The following LGR4 variants were observed in gnomAD, a reference collection of about 807,000 sequenced individuals.
LGR4 encodes leucine rich repeat containing G protein-coupled receptor 4.
A neutral mutation model predicts 84.8 loss-of-function variants in LGR4; 44 were observed. The observed-to-expected ratio is 0.52, with a 90% confidence interval of 0.41 to 0.67. The LOEUF is 0.67. Ranked by LOEUF, LGR4 falls within the 30% of genes least tolerant of loss-of-function variation. The pLI is 0.00. For missense variants in LGR4, 1,032 were observed against 1,131.4 expected, an observed-to-expected ratio of 0.91 and a Z score of 1.26; for synonymous variants, 429 against 434.3, an observed-to-expected ratio of 0.99 and a Z score of 0.15.
chr11:27,453,372 G>C (rs1301892093), intron 1 of LGR4, among the ~76,000 whole-genome samples: 1 of 152,110 alleles, frequency 6.6e-6, no homozygotes, highest in Non-Finnish European at 1.5e-5. Flanking sequence ...CGGCCAAGAG[G>C]AACTTTTTAA....
chr11:27,461,456 T>C (rs890898617), intron 1 of LGR4, among the ~76,000 whole-genome samples: 40 of 152,232 alleles, frequency 2.6e-4, no homozygotes, highest in African/African-American at 7.9e-4. Flanking sequence ...AGAACCAAAG[T>C]GATGTGAAAA....
Position 27,373,589 on chromosome 11 carries a change from C to G in LGR4, c.1341G>C (p.Leu447=), listed in dbSNP as rs751383679. The part of the protein sequence containing the change: ...NQLKLVGNFK[L]KEALAAKDFV... The stretch of plus-strand genomic sequence containing the variant: ...AGTCTTTTGCTGCTAAGGCTTCTTT[C>G]AGCTTGAAGTTGCCCACAAGTTTCA... Residue 447 remains leucine, a synonymous_variant, in exon 15 of 18, where the codon CTG becomes CTC. Coordinates refer to ENST00000379214, the MANE Select transcript of LGR4 (RefSeq NM_018490.5). 1.9e-6 allele frequency: 3 copies of G among 1,597,350 alleles called. No homozygotes were observed. Among genetic ancestry groups the G allele is most frequent in the East Asian group, 4.5e-5 (2 of 44,500 alleles).
intron 14 of LGR4, 92 bp from the exon 15 acceptor site, chr11:27,373,768 C>T: frequency 7.8e-7 from 1 of 1,279,434 alleles, no homozygotes; most frequent in South Asian, 1.5e-5. Context: ...TATTAGATCC[C>T]TAAGATGAAG....
At chr11:27,448,453 T>C (rs1241581606) in intron 1 of LGR4, among the ~76,000 whole-genome samples, 2 of 152,020 alleles carry the variant, frequency 1.3e-5, no homozygotes, top group East Asian at 3.9e-4. Context: ...CTTCCATGCC[T>C]GGCTAATTTT....
intron 4 of LGR4, 134 bp from the exon 5 acceptor site, chr11:27,385,602 C>G: frequency 1.7e-6 from 1 of 586,272 alleles, no homozygotes; most frequent in Non-Finnish European, 2.9e-6. Context: ...TAGAAGTCCT[C>G]ATAACATCTA....
intron 1 of LGR4, 63 bp from the exon 2 acceptor site, chr11:27,412,923 CA>C: frequency 9.5e-7 from 1 of 1,051,854 alleles, no homozygotes; most frequent in Non-Finnish European, 1.5e-6. Flanking sequence ...GTATTTAATC[CA>C]ACAGAAAACT....
At chr11:27,397,777 T>G (rs1863417387) in intron 2 of LGR4, among the ~76,000 whole-genome samples, 1 of 152,200 alleles carries the variant, frequency 6.6e-6, no homozygotes, top group Non-Finnish European at 1.5e-5. Context: ...CACGCTGTGT[T>G]GTGCACATGA....
At chr11:27,429,519 T>A (rs377167436) in intron 1 of LGR4, among the ~76,000 whole-genome samples, 4 of 134,360 alleles carry the variant, frequency 3.0e-5, no homozygotes, top group African/African-American at 1.1e-4. Context: ...GAAGGGGAGG[T>A]GGGGAGGTGG....
chr11:27,385,275 T>C lies in LGR4; in HGVS notation c.595A>G (p.Asn199Asp). 1 of 1,582,660 alleles carries C rather than the reference T, an allele frequency of 6.3e-7. No individual in the cohort carries two copies. The highest frequency in any genetic ancestry group is 8.6e-7 in the Non-Finnish European group (1 of 1,162,084). The change falls in exon 5 of 18, where the codon AAC becomes GAC. Residue 199 changes from asparagine (N) to aspartate (D), a missense_variant. By Grantham distance (23) the Asn-to-Asp change is conservative. Transcript: ENST00000379214. ...ISSIPDFAFT[N>D]LSSLVVLHLH... Reference sequence around the variant, plus strand: ...TACAGAACTACCAGGCTTGAAAGGTTGGTAAATGCAAAGTCAGGGATGCTT... The same window carrying C: ...TACAGAACTACCAGGCTTGAAAGGTCGGTAAATGCAAAGTCAGGGATGCTT...
chr11:27,392,025 T>C (rs566554280), intron 3 of LGR4, among the ~76,000 whole-genome samples: 158 of 152,310 alleles, frequency 1.0e-3, no homozygotes, highest in African/African-American at 3.6e-3. Flanking sequence ...ATACAAATTG[T>C]AGGCATCTGA....
At chr11:27,383,340 A>C (rs184217832) in intron 6 of LGR4, among the ~76,000 whole-genome samples, 4 of 152,304 alleles carry the variant, frequency 2.6e-5, no homozygotes, top group African/African-American at 7.2e-5. Context: ...GGCAAATAAA[A>C]ATTTAACTGG....
At chr11:27,372,646 A>G (rs913160270) in intron 15 of LGR4, among the ~76,000 whole-genome samples, 2 of 152,164 alleles carry the variant, frequency 1.3e-5, no homozygotes, top group Non-Finnish European at 2.9e-5. Flanking sequence ...ATGTAAATCA[A>G]ACTGTTTAAA....
At chr11:27,376,410 A>T in intron 12 of LGR4, 40 bp from the exon 13 acceptor site, 1 of 1,117,592 alleles carries the variant, frequency 8.9e-7, no homozygotes, top group Admixed American at 2.1e-5. Flanking sequence ...GAAGACAAAG[A>T]CAAAGAAGAG....
chr11:27,402,175 A>T (rs2133387495), intron 2 of LGR4, among the ~76,000 whole-genome samples: 1 of 152,270 alleles, frequency 6.6e-6, no homozygotes, highest in East Asian at 1.9e-4. Flanking sequence ...ACTGGCCTTA[A>T]CCCTTCCTGC....
chr11:27,442,551 G>A (rs1447754883), intron 1 of LGR4, among the ~76,000 whole-genome samples: 2 of 152,180 alleles, frequency 1.3e-5, no homozygotes. Flanking sequence ...GAGGGGTAGT[G>A]AGTTAAATGT....
chr11:27,371,622 A>T lies in LGR4; in HGVS notation c.1572T>A (p.Pro524=). Residue 524 remains proline (P), a synonymous_variant, in exon 17 of 18, where the codon CCT becomes CCA. Transcript: ENST00000379214. ...EHSQIIIHCT[P]STGAFKPCEY... ...AAAATAGGCCAGGCATACCTGTTGA[A>T]GGTGTACAATGGATAATTATTTGAC... 6.2e-7 allele frequency: 1 copy of T among 1,610,080 alleles called. No homozygotes were observed. The highest frequency in any genetic ancestry group is 2.2e-5 in the East Asian group (1 of 44,846).
intron 11 of LGR4, among the ~76,000 whole-genome samples, chr11:27,378,281 C>CT (rs1863026964): frequency 6.6e-6 from 1 of 152,062 alleles, no homozygotes; most frequent in Admixed American, 6.6e-5. Flanking sequence ...CTTTTAGTTT[C>CT]TAGGTCAGCC....
chr11:27,382,335 A>T, intron 6 of LGR4, 79 bp from the exon 7 acceptor site: 1 of 898,400 alleles, frequency 1.1e-6, no homozygotes, highest in Non-Finnish European at 1.8e-6. Context: ...ACAGACAAGT[A>T]TTTTTTTAAA....
Position 27,443,358 on chromosome 11 carries a change from G to A in LGR4, c.185+28760C>T, listed in dbSNP as rs184273313. Among the ~76,000 whole-genome samples, 452 of 152,270 alleles carry A rather than the reference G, an allele frequency of 3.0e-3. 2 individuals are homozygous for A. Among genetic ancestry groups the A allele is most frequent in the African/African-American group, 0.011 (437 of 41,546 alleles). Reference sequence around the variant, plus strand: ...ATTCCTACCACTGAACACCAGAGAGGTTAGAAGTCTGAACTAATGGGTAGG... The same window carrying A: ...ATTCCTACCACTGAACACCAGAGAGATTAGAAGTCTGAACTAATGGGTAGG... On this transcript the variant is annotated intron_variant, in intron 1 of 17. Transcript: ENST00000379214.
Sources: allele counts gnomAD v4.1 joint callset (sites outside exome capture counted in the v4.1 genomes callset), GRCh38; gene constraint gnomAD v4.1.1; transcripts MANE v1.5; gene names NCBI Gene and HGNC (gene_info 2026-07-23, HGNC 2026-07-21).